The following TAFA2 variants were observed in gnomAD, a reference collection of about 807,000 sequenced individuals.
TAFA2 encodes chemokine-like protein TAFA-2.
TAFA2 carries 7 observed loss-of-function variants against 18.8 expected under a neutral mutation model. That is an observed-to-expected ratio of 0.37 (90% CI 0.21 to 0.70). The LOEUF (loss-of-function observed/expected upper bound fraction) is 0.70. Ranked by LOEUF, TAFA2 falls within the 30% of genes least tolerant of loss-of-function variation. The pLI, the probability that TAFA2 is intolerant of heterozygous loss-of-function variation, is 0.53. For missense variants in TAFA2, 122 were observed against 158.1 expected (o/e 0.77, Z 1.23); for synonymous variants, 60 against 54.2 (o/e 1.11, Z -0.47).
intron 2 of TAFA2, among the ~76,000 whole-genome samples, chr12:61,833,266 T>C (rs1000390650): frequency 6.6e-6 from 1 of 151,406 alleles, no homozygotes; most frequent in East Asian, 2.0e-4. Flanking sequence ...CCCACCTCCT[T>C]CCCCCAGAAA....
chr12:61,873,487 G>A (rs1389828350), intron 1 of TAFA2, among the ~76,000 whole-genome samples: 1 of 151,988 alleles, frequency 6.6e-6, no homozygotes, highest in Non-Finnish European at 1.5e-5. Flanking sequence ...AAAGGGAGGA[G>A]TTAAAGATAC....
At chr12:62,257,647 T>C (rs996257243) in intron 1 of TAFA2, among the ~76,000 whole-genome samples, 1 of 152,156 alleles carries the variant, frequency 6.6e-6, no homozygotes, top group Non-Finnish European at 1.5e-5. Context: ...GGTTACGTTT[T>C]AAATTGACAA....
chr12:61,739,146 G>A (rs1044219576), intron 4 of TAFA2, among the ~76,000 whole-genome samples: 1 of 152,140 alleles, frequency 6.6e-6, no homozygotes, highest in Middle Eastern at 3.4e-3. Context: ...TTGATGTAAA[G>A]TAACTTTCCC....
At chr12:61,810,487 T>C (rs995783618) in intron 2 of TAFA2, among the ~76,000 whole-genome samples, 1 of 151,552 alleles carries the variant, frequency 6.6e-6, no homozygotes, top group Non-Finnish European at 1.5e-5. Flanking sequence ...ATCAGACTTA[T>C]TGTTTTACAC....
At chr12:62,234,500 G>T in intron 1 of TAFA2, 1 of 1,084,386 alleles carries the variant, frequency 9.2e-7, no homozygotes, top group Non-Finnish European at 1.4e-6. Context: ...ATGAACTCTT[G>T]GCTGCACTGA....
chr12:61,826,616 G>A (rs1872544874), intron 2 of TAFA2, among the ~76,000 whole-genome samples: 1 of 151,870 alleles, frequency 6.6e-6, no homozygotes, highest in Non-Finnish European at 1.5e-5. Context: ...GGGCTTTTTG[G>A]CTCAGGAGAT....
At chr12:62,195,897 C>A (rs2062646884), upstream of TAFA2, among the ~76,000 whole-genome samples, 1 of 152,208 alleles carries the variant, frequency 6.6e-6, no homozygotes, top group Non-Finnish European at 1.5e-5. Flanking sequence ...CGAAGCCAGG[C>A]ACTGACTTCT....
chr12:62,049,514 T>C (rs77170827), intron 1 of TAFA2, among the ~76,000 whole-genome samples: 3,669 of 152,106 alleles, frequency 0.024, 139 homozygotes, highest in African/African-American at 0.083. Flanking sequence ...AACAAGCACA[T>C]AGTGGGGAGA....
chr12:61,968,756 C>T (rs184402623), intron 1 of TAFA2, among the ~76,000 whole-genome samples: 24 of 151,772 alleles, frequency 1.6e-4, no homozygotes, highest in African/African-American at 5.1e-4. Flanking sequence ...TCCAATCAAT[C>T]ACATTAGGAA....
At chr12:62,147,028 C>T (rs1365454908) in intron 1 of TAFA2, among the ~76,000 whole-genome samples, 3 of 151,584 alleles carry the variant, frequency 2.0e-5, no homozygotes, top group Non-Finnish European at 4.4e-5. Context: ...CTACAACCAA[C>T]TGATCTTTGA....
intron 4 of TAFA2, among the ~76,000 whole-genome samples, chr12:61,752,050 A>G (rs2120750014): frequency 6.6e-6 from 1 of 152,144 alleles, no homozygotes; most frequent in South Asian, 2.1e-4. Context: ...TGGGTTTTGG[A>G]ATGGAACTAC....
chr12:61,986,158 C>CTTTTTTTTTTT (rs551223452), intron 1 of TAFA2, among the ~76,000 whole-genome samples: 3 of 65,838 alleles, frequency 4.6e-5, no homozygotes, highest in South Asian at 6.3e-4. Flanking sequence ...CTAAGCTCTT[C>CTTTTTTTTTTT]TTTTTTTTTT....
intron 1 of TAFA2, among the ~76,000 whole-genome samples, chr12:62,180,907 A>T (rs1366501737): frequency 6.6e-6 from 1 of 152,264 alleles, no homozygotes; most frequent in Non-Finnish European, 1.5e-5. Flanking sequence ...GTTACTGACA[A>T]GAGCAATCAA....
chr12:62,191,070 A>G, intron 1 of TAFA2, among the ~76,000 whole-genome samples, 189 bp downstream of exon 1: 1 of 151,278 alleles, frequency 6.6e-6, no homozygotes. Context: ...CCCGCGAGGG[A>G]GACGCCGGCC....
chr12:61,881,260 A>G (rs1592457474), intron 1 of TAFA2, among the ~76,000 whole-genome samples: 1 of 152,152 alleles, frequency 6.6e-6, no homozygotes, highest in Admixed American at 6.5e-5. Flanking sequence ...ATCAGGATAC[A>G]TTCTGAGAAA....
intron 1 of TAFA2, among the ~76,000 whole-genome samples, chr12:62,099,255 G>A (rs1271194766): frequency 1.3e-5 from 2 of 151,692 alleles, no homozygotes; most frequent in East Asian, 1.9e-4. Context: ...CAAGAAGCAC[G>A]TAAATGAAAA....
intron 1 of TAFA2, among the ~76,000 whole-genome samples, chr12:62,103,616 C>T (rs1219366633): frequency 6.6e-6 from 1 of 152,162 alleles, no homozygotes; most frequent in Non-Finnish European, 1.5e-5. Flanking sequence ...TGGCGTATGC[C>T]TGTAGTCCCA....
chr12:61,945,009 G>C (rs1592504845), intron 1 of TAFA2, among the ~76,000 whole-genome samples: 1 of 150,726 alleles, frequency 6.6e-6, no homozygotes, highest in Admixed American at 6.6e-5. Context: ...CCAAAAAAGA[G>C]AATTTTAGAC....
chr12:62,252,970 A>C lies in TAFA2; in HGVS notation c.-130+5793T>G, dbSNP rs145799776. ...AGATGAATCATTCATTGCCCCTTAC[A>C]TAATAGAAGGGATCCATGTAATTAA... On this transcript the variant is annotated intron_variant, in intron 1 of 5. Transcript: ENST00000551619. 577 of 152,316 alleles carry C rather than the reference A, an allele frequency of 3.8e-3. 5 individuals carry two copies. Among genetic ancestry groups the C allele is most frequent in the African/African-American group, 0.013 (543 of 41,568 alleles). The allele number at this position is 152,316 out of a possible 1,614,324, so 9.4% of individuals were successfully genotyped here.
Sources: allele counts gnomAD v4.1 joint callset (sites outside exome capture counted in the v4.1 genomes callset), GRCh38; gene constraint gnomAD v4.1.1; transcripts MANE v1.5; gene names NCBI Gene and HGNC (gene_info 2026-07-23, HGNC 2026-07-21).